The following PTPRJ variants were observed in gnomAD, a reference collection of about 807,000 sequenced individuals.
PTPRJ encodes the protein receptor-type tyrosine-protein phosphatase eta.
Under a neutral mutation model 141.3 loss-of-function variants are expected in PTPRJ, and 129 were observed. That is an observed-to-expected ratio of 0.91 (90% CI 0.79 to 1.06). PTPRJ has a LOEUF of 1.06. PTPRJ is among the 50% of genes least tolerant of loss of function. PTPRJ has a pLI of 0.00. For synonymous variants in PTPRJ, 610 were observed against 640.5 expected (o/e 0.95, Z 0.72); for missense variants, 1,601 against 1,679.7 (o/e 0.95, Z 0.82).
At chr11:48,018,056 T>C (rs1264336148) in intron 1 of PTPRJ, among the ~76,000 whole-genome samples, 2 of 152,230 alleles carry the variant, frequency 1.3e-5, no homozygotes, top group East Asian at 3.8e-4. Context: ...AAATACTTTA[T>C]GCTTATTTAT....
rs1470139901 is a variant in PTPRJ at position 48,168,577 on chromosome 11, T to TAC, written c.*1216_*1217insCA. On this transcript the variant is annotated 3_prime_UTR_variant, in exon 25 of 25. Transcript: ENST00000418331. ...ATATATATATATATATATATATATA[T>TAC]ATATACACTAAGCTCTCAAAAACAG... is the stretch of plus-strand genomic sequence containing the variant. 8.3e-6 allele frequency: 1 copy of TAC among 120,296 alleles called. No individual in the cohort carries two copies. The highest frequency in any genetic ancestry group is 1.7e-5 in the Non-Finnish European group (1 of 57,796). 7.5% of individuals were successfully genotyped at this position (120,296 alleles called of 1,614,324 possible).
chr11:48,144,625 T>G (rs761944213), intron 12 of PTPRJ, 50 bp from the exon 13 acceptor site: 1 of 1,444,852 alleles, frequency 6.9e-7, no homozygotes, highest in Non-Finnish European at 9.7e-7. Context: ...GGAGAAGAAA[T>G]CTCTCTGCCA....
intron 1 of PTPRJ, among the ~76,000 whole-genome samples, chr11:48,027,392 T>C (rs1853845844): frequency 6.6e-6 from 1 of 151,974 alleles, no homozygotes; most frequent in Non-Finnish European, 1.5e-5. Flanking sequence ...GGGAGGGCCA[T>C]CATGCAAGAT....
chr11:48,116,025 G>A (rs1235716006), intron 3 of PTPRJ, among the ~76,000 whole-genome samples: 2 of 152,090 alleles, frequency 1.3e-5, no homozygotes, highest in African/African-American at 2.4e-5. Flanking sequence ...GGAACAAAGA[G>A]TCTATAAAAC....
chr11:48,129,077 G>T (rs909912955), intron 7 of PTPRJ, among the ~76,000 whole-genome samples: 4 of 152,238 alleles, frequency 2.6e-5, no homozygotes, highest in Non-Finnish European at 4.4e-5. Context: ...GAAGCCCAGT[G>T]CTAGGCAGGA....
Position 48,167,307 on chromosome 11 carries a change from A to G in PTPRJ, c.3959A>G (p.Tyr1320Cys), listed in dbSNP as rs577409423. Residue 1320 changes from tyrosine to cysteine, a missense_variant, in exon 25 of 25, where the codon TAT (tyrosine) becomes TGT (cysteine). Physicochemically the swap from Tyr to Cys is radical, Grantham distance 194 (BLOSUM62 -2). Coordinates refer to ENST00000418331, the MANE Select transcript of PTPRJ (RefSeq NM_002843.4). The part of the protein sequence containing the change: ...IYQNTTAMTI[Y>C]ENLAPVTTFG... ...CAGAACACAACTGCAATGACAATCT[A>G]TGAAAACCTTGCGCCCGTGACCACA... 4 of 1,614,114 alleles carry G rather than the reference A, an allele frequency of 2.5e-6. No homozygotes were observed. Among genetic ancestry groups the G allele is most frequent in the Admixed American group, 1.7e-5 (1 of 60,026 alleles).
At chr11:47,988,051 G>A (rs934473922) in intron 1 of PTPRJ, among the ~76,000 whole-genome samples, 1 of 152,246 alleles carries the variant, frequency 6.6e-6, no homozygotes, top group South Asian at 2.1e-4. Flanking sequence ...AACGATTTGC[G>A]TCTCCAGGGC....
intron 1 of PTPRJ, among the ~76,000 whole-genome samples, chr11:48,085,379 C>T (rs1855675156): frequency 6.6e-6 from 1 of 151,856 alleles, no homozygotes; most frequent in East Asian, 1.9e-4. Flanking sequence ...CTGTGTCACC[C>T]AGCCACCCAG....
chr11:48,141,240 T>C (rs1555055125), intron 11 of PTPRJ, among the ~76,000 whole-genome samples: 2 of 151,776 alleles, frequency 1.3e-5, no homozygotes, highest in Non-Finnish European at 2.9e-5. Flanking sequence ...TGAATTTAGG[T>C]AGAGAGAGAG....
intron 3 of PTPRJ, among the ~76,000 whole-genome samples, chr11:48,117,791 TG>T (rs1349789179): frequency 6.7e-6 from 1 of 149,140 alleles, no homozygotes; most frequent in Non-Finnish European, 1.5e-5. Flanking sequence ...TAAACTAAGT[TG>T]TTTTTTTGAA....
chr11:47,982,979 C>A (rs1590379613), intron 1 of PTPRJ, among the ~76,000 whole-genome samples: 1 of 152,124 alleles, frequency 6.6e-6, no homozygotes. Flanking sequence ...TTCAGCAGTT[C>A]ATTTTGATAA....
chr11:48,143,152 G>C (rs1472837814), intron 12 of PTPRJ, 102 bp downstream of exon 12: 31 of 1,432,246 alleles, frequency 2.2e-5, no homozygotes, highest in African/African-American at 4.2e-5. Context: ...ACACACGCCT[G>C]TCTTCTCACT....
chr11:48,063,918 A>ATGTGTGTGTGTG (rs113736420), intron 1 of PTPRJ, among the ~76,000 whole-genome samples: 2 of 147,484 alleles, frequency 1.4e-5, no homozygotes, highest in African/African-American at 2.5e-5. Context: ...TTCTCAGCTT[A>ATGTGTGTGTGTG]TGTGTGTGTG....
In PTPRJ at chr11:47,985,708, A is replaced by G. The variant is rs149788443; in HGVS notation, c.96+4700A>G. Among the ~76,000 whole-genome samples the G allele has an allele frequency of 3.0e-4, 45 of 151,136 alleles. 1 individual carries two copies. The East Asian group carries it at 8.8e-3, about 29-fold the overall frequency. On this transcript the variant is annotated intron_variant, in intron 1 of 24. Transcript: ENST00000418331. ...TATTTATTTATTTATTTATTTATTT[A>G]TTTATTTATTGAGACGAAGTCTCAC...
chr11:47,981,362 G>A (rs1038869044), intron 1 of PTPRJ, among the ~76,000 whole-genome samples: 10 of 150,670 alleles, frequency 6.6e-5, no homozygotes, highest in Non-Finnish European at 8.8e-5. Flanking sequence ...GGCGGCCGGA[G>A]GGGGCGTGTT....
At chr11:48,039,069 G>A (rs1289345778) in intron 1 of PTPRJ, among the ~76,000 whole-genome samples, 4 of 150,390 alleles carry the variant, frequency 2.7e-5, no homozygotes, top group Non-Finnish European at 5.9e-5. Context: ...AGAATCACCT[G>A]AACCTGGGAG....
chr11:48,015,470 C>T (rs1274198343), intron 1 of PTPRJ, among the ~76,000 whole-genome samples: 1 of 152,178 alleles, frequency 6.6e-6, no homozygotes, highest in Non-Finnish European at 1.5e-5. Flanking sequence ...TCTCTATACT[C>T]ATTTTTGCCT....
At chr11:48,161,180 CAAAA>C (rs71045549) in intron 22 of PTPRJ, among the ~76,000 whole-genome samples, 1 of 68,124 alleles carries the variant, frequency 1.5e-5, no homozygotes, top group Non-Finnish European at 2.5e-5. Context: ...GACCCGGTCT[CAAAA>C]AAAAAAAAAA....
intron 3 of PTPRJ, among the ~76,000 whole-genome samples, chr11:48,115,862 C>A (rs1482823362): frequency 6.6e-6 from 1 of 152,066 alleles, no homozygotes; most frequent in African/African-American, 2.4e-5. Context: ...CATAAAATAA[C>A]CTGTTATAAC....
Sources: allele counts gnomAD v4.1 joint callset (sites outside exome capture counted in the v4.1 genomes callset), GRCh38; gene constraint gnomAD v4.1.1; transcripts MANE v1.5; gene names NCBI Gene and HGNC (gene_info 2026-07-23, HGNC 2026-07-21).